The following NDUFA10 variants were observed in gnomAD, a reference collection of about 807,000 sequenced individuals.
NDUFA10 encodes NADH:ubiquinone oxidoreductase subunit A10, also known as NADH dehydrogenase [ubiquinone] 1 alpha subcomplex subunit 10, mitochondrial.
NDUFA10 carries 40 observed loss-of-function variants against 47.8 expected under a neutral mutation model. The observed-to-expected ratio is 0.84, with a 90% confidence interval of 0.65 to 1.09. The LOEUF (loss-of-function observed/expected upper bound fraction) is 1.09. NDUFA10 is among the 50% of genes least tolerant of loss of function. NDUFA10 has a pLI of 0.00. For missense variants in NDUFA10, 413 were observed against 451.1 expected, an observed-to-expected ratio of 0.92 and a Z score of 0.76; for synonymous variants, 183 against 172.2, an observed-to-expected ratio of 1.06 and a Z score of -0.49.
At chr2:240,008,346 A>G (rs140711436) in intron 6 of NDUFA10, among the ~76,000 whole-genome samples, 10 of 152,246 alleles carry the variant, frequency 6.6e-5, no homozygotes, top group African/African-American at 1.9e-4. Context: ...AGAATGAACA[A>G]TAAATCCATA....
In NDUFA10 at chr2:239,959,202, A is replaced by G. The variant is rs1292576017; in HGVS notation, c.*1916T>C. The G allele has an allele frequency of 1.4e-6, 1 of 708,682 alleles. No homozygotes were observed. Among genetic ancestry groups the G allele is most frequent in the African/African-American group, 1.9e-5 (1 of 52,342 alleles). 43.9% of individuals were successfully genotyped at this position (708,682 alleles called of 1,614,324 possible). On this transcript the variant is annotated 3_prime_UTR_variant, in exon 10 of 10. Coordinates refer to ENST00000252711, the MANE Select transcript of NDUFA10 (RefSeq NM_004544.4). Reference sequence around the variant, plus strand: ...CAACCACACAGGGTCAGACGCAAACACAGGGGATGATCAGAGCACCCGAGT... The same window carrying G: ...CAACCACACAGGGTCAGACGCAAACGCAGGGGATGATCAGAGCACCCGAGT...
intron 9 of NDUFA10, among the ~76,000 whole-genome samples, chr2:239,984,571 AC>A (rs1254655784): frequency 6.6e-6 from 1 of 152,232 alleles, no homozygotes; most frequent in African/African-American, 2.4e-5. Flanking sequence ...AGCAGACAAA[AC>A]CACATAAAAC....
chr2:240,004,691 C>T (rs1241163707), intron 8 of NDUFA10, among the ~76,000 whole-genome samples: 1 of 149,738 alleles, frequency 6.7e-6, no homozygotes, highest in South Asian at 2.1e-4. Context: ...GCTGGGCGCA[C>T]CTTCCCACCA....
At position 239,945,577 on chromosome 2, in the gene NDUFA10, G is replaced by C. The variant is rs992843597; in HGVS notation, c.294+44497C>G. 2.0e-5 allele frequency among the ~76,000 whole-genome samples: 3 copies of C among 152,180 alleles called. No individual in the cohort carries two copies. The highest frequency in any genetic ancestry group is 7.2e-5 in the African/African-American group (3 of 41,450). On this transcript the variant is annotated intron_variant, in intron 4 of 5. Transcript: ENST00000419408. The surrounding 1 kb of genome is among the most constrained non-coding windows in gnomAD (Gnocchi z 4.6). The stretch of plus-strand genomic sequence containing the variant: ...AGGCTGGGAGGATCCTGGGGGCTGA[G>C]GCTCCCTCCAGGGAGGACTTGGCCA...
intron 3 of NDUFA10, among the ~76,000 whole-genome samples, chr2:240,019,537 G>GTAAGCCTGGATGTCAGTGTGAA (rs373851974): frequency 3.0e-5 from 3 of 99,580 alleles, no homozygotes; most frequent in Non-Finnish European, 6.6e-5. Context: ...AGAACGTGGA[G>GTAAGCCTGGATGTCAGTGTGAA]GCCGGGCGCG....
Position 240,021,348 on chromosome 2 carries a change from G to A in NDUFA10, c.309C>T (p.Pro103=), listed in dbSNP as rs753946240. The change falls in exon 3 of 10, where the codon CCC becomes CCT. Residue 103 remains proline (P), a synonymous_variant. Coordinates refer to ENST00000252711, the MANE Select transcript of NDUFA10 (RefSeq NM_004544.4). ...YPDSTTGDGK[P]LATDYNGNCS... ...AGTTGCCATTATAGTCGGTGGCGAG[G>A]GGCTTCCCATCTCCTGTGGTACTGT... 6.2e-6 allele frequency: 10 copies of A among 1,614,034 alleles called. No homozygotes were observed. In the Admixed American group the frequency reaches 1.3e-4, roughly 22 times the overall value.
chr2:239,934,452 T>C (rs957529294), intron 4 of NDUFA10, among the ~76,000 whole-genome samples: 1 of 149,322 alleles, frequency 6.7e-6, no homozygotes, highest in Non-Finnish European at 1.5e-5. Context: ...TACGGGGTCC[T>C]TGACGTCTGG....
chr2:239,949,437 A>C (rs1559306385), intron 4 of NDUFA10, among the ~76,000 whole-genome samples: 1 of 152,324 alleles, frequency 6.6e-6, no homozygotes, highest in East Asian at 1.9e-4. Context: ...GTGGGCAGGC[A>C]TCCTCCAGTC....
At chr2:239,924,352 T>A (rs948210774) in intron 4 of NDUFA10, among the ~76,000 whole-genome samples, 5 of 151,958 alleles carry the variant, frequency 3.3e-5, no homozygotes, top group Non-Finnish European at 7.4e-5. Context: ...TACCCCACAA[T>A]CAAGTGGGTT....
At chr2:239,909,005 C>T (rs1480570496) in intron 4 of NDUFA10, among the ~76,000 whole-genome samples, 3 of 152,174 alleles carry the variant, frequency 2.0e-5, no homozygotes, top group African/African-American at 7.2e-5. Context: ...CCCAAGCTCT[C>T]CACTGGCTGA....
Position 239,990,051 on chromosome 2 carries a change from T to A in NDUFA10, c.999+23A>T, listed in dbSNP as rs373080713. 1.4e-5 allele frequency: 22 copies of A among 1,553,274 alleles called. No homozygotes were observed. The African/African-American group carries it at 2.7e-4, about 19-fold the overall frequency. Reference sequence around the variant, plus strand: ...GCTGCAGACTCATCCACTGGCCAGCTTTCTCCATTTCCACAGTCTTACCTC... The same window carrying A: ...GCTGCAGACTCATCCACTGGCCAGCATTCTCCATTTCCACAGTCTTACCTC... On this transcript the variant is annotated intron_variant, in intron 9 of 9. Coordinates refer to ENST00000252711, the MANE Select transcript of NDUFA10 (RefSeq NM_004544.4).
chr2:240,021,792 T>C (rs964553077), intron 2 of NDUFA10, among the ~76,000 whole-genome samples: 3 of 152,182 alleles, frequency 2.0e-5, no homozygotes, highest in African/African-American at 7.2e-5. Context: ...GACCCAGCTA[T>C]GTGGCATCTG....
intron 4 of NDUFA10, among the ~76,000 whole-genome samples, chr2:239,908,518 G>C (rs560683009): frequency 1.3e-5 from 2 of 152,208 alleles, no homozygotes; most frequent in Non-Finnish European, 2.9e-5. Flanking sequence ...CCACTGCTAA[G>C]GCAGCTCCCT....
chr2:239,931,599 A>C (rs1489657689), intron 4 of NDUFA10, among the ~76,000 whole-genome samples: 1 of 152,166 alleles, frequency 6.6e-6, no homozygotes, highest in African/African-American at 2.4e-5. Context: ...CAGATCTCCA[A>C]GCGCCCAAAC....
chr2:240,022,477 T>C (rs1697663957), intron 1 of NDUFA10, 137 bp from the exon 2 acceptor site: 2 of 1,323,896 alleles, frequency 1.5e-6, no homozygotes, highest in Admixed American at 2.0e-5. Context: ...TGCCTATTAA[T>C]TTGTTTAATT....
intron 4 of NDUFA10, among the ~76,000 whole-genome samples, chr2:239,943,534 T>C (rs1372240807): frequency 6.6e-6 from 1 of 151,944 alleles, no homozygotes; most frequent in East Asian, 2.0e-4. Flanking sequence ...ATGGCCTTGT[T>C]TGTTTTCTGC....
In NDUFA10 at chr2:239,958,465, G is replaced by A. The variant is rs1398266932; in HGVS notation, c.*2653C>T. On this transcript the variant is annotated 3_prime_UTR_variant, in exon 10 of 10. Transcript: ENST00000252711. ...CAGAGAAACCACCACGAATTCAATT[G>A]AAGCGGCGTAACTGAAGGTCCCTGG... 6.6e-6 allele frequency: 1 copy of A among 152,236 alleles called. No homozygotes were observed. The highest frequency in any genetic ancestry group is 1.5e-5 in the Non-Finnish European group (1 of 68,042). The allele number at this position is 152,236 out of a possible 1,614,324, so 9.4% of individuals were successfully genotyped here.
intron 4 of NDUFA10, among the ~76,000 whole-genome samples, chr2:239,916,807 G>C (rs1477782699): frequency 6.6e-6 from 1 of 152,242 alleles, no homozygotes; most frequent in Non-Finnish European, 1.5e-5. Context: ...TCCCTCAGGA[G>C]GAGCAGCCCT....
intron 8 of NDUFA10, 143 bp downstream of exon 8, chr2:240,005,067 G>A: frequency 1.3e-6 from 1 of 752,644 alleles, no homozygotes; most frequent in Admixed American, 1.9e-5. Flanking sequence ...TTCAGGAGCT[G>A]TTTGGAAGAA....
Sources: allele counts gnomAD v4.1 joint callset (sites outside exome capture counted in the v4.1 genomes callset), GRCh38; gene constraint gnomAD v4.1.1; non-coding constraint Gnocchi (gnomAD v3.1); transcripts MANE v1.5; gene names NCBI Gene and HGNC (gene_info 2026-07-23, HGNC 2026-07-21).